Variants in WWP1 observed in about 807,000 individuals in gnomAD.
WWP1 encodes NEDD4-like E3 ubiquitin-protein ligase WWP1.
Under a neutral mutation model 130.6 loss-of-function variants are expected in WWP1, and 49 were observed. That is an observed-to-expected ratio of 0.38 (90% CI 0.30 to 0.48). WWP1 has a LOEUF of 0.48. Among genes scored for constraint, WWP1 ranks in the 20% least tolerant of loss-of-function variants. WWP1 has a pLI of 0.99. For missense variants in WWP1, 809 were observed against 1,100.6 expected (o/e 0.74, Z 3.75); for synonymous variants, 332 against 367.8 (o/e 0.90, Z 1.11).
At chr8:86,343,635 G>C (rs1822376694) in intron 1 of WWP1, among the ~76,000 whole-genome samples, 1 of 151,832 alleles carries the variant, frequency 6.6e-6, no homozygotes, top group African/African-American at 2.4e-5. Context: ...TCCTTTCTTT[G>C]CTCTGCCGAT....
intron 3 of WWP1, among the ~76,000 whole-genome samples, 157 bp downstream of exon 3, chr8:86,374,277 A>G (rs1267285159): frequency 2.6e-5 from 4 of 152,202 alleles, no homozygotes; most frequent in Admixed American, 6.5e-5. Flanking sequence ...CTCCAAAACT[A>G]TATTATTTAT....
chr8:86,414,879 T>G (rs899570099), intron 9 of WWP1, among the ~76,000 whole-genome samples: 1 of 85,436 alleles, frequency 1.2e-5, no homozygotes, highest in Admixed American at 1.0e-4. Flanking sequence ...ACATTCTGAA[T>G]CCCCCCCCCA....
intron 13 of WWP1, 38 bp downstream of exon 13, chr8:86,431,528 A>G (rs749259215): frequency 1.2e-6 from 2 of 1,611,212 alleles, no homozygotes; most frequent in Non-Finnish European, 8.5e-7. Flanking sequence ...TCTTGCATAT[A>G]TCAGTAGGTA....
intron 5 of WWP1, among the ~76,000 whole-genome samples, chr8:86,390,686 A>G (rs139568613): frequency 0.045 from 6,737 of 148,094 alleles, 501 homozygotes; most frequent in African/African-American, 0.16. Flanking sequence ...AGACCGTGGA[A>G]AGTGGGAGAC....
chr8:86,431,531 A>G (rs144382154), intron 13 of WWP1, 41 bp downstream of exon 13: 16 of 1,610,786 alleles, frequency 9.9e-6, no homozygotes, highest in South Asian at 6.6e-5. Flanking sequence ...TGCATATATC[A>G]GTAGGTAGAA....
chr8:86,380,116 A>T (rs1824897529), intron 3 of WWP1, among the ~76,000 whole-genome samples: 1 of 152,200 alleles, frequency 6.6e-6, no homozygotes, highest in African/African-American at 2.4e-5. Flanking sequence ...TCATATATTT[A>T]TCAGTTAATA....
chr8:86,441,881 A>G (rs1810610793), intron 17 of WWP1, among the ~76,000 whole-genome samples: 2 of 152,230 alleles, frequency 1.3e-5, no homozygotes, highest in Non-Finnish European at 2.9e-5. Context: ...AGAAATTGCT[A>G]TTGAAAAGAA....
chr8:86,457,614 C>T (rs942078392), intron 21 of WWP1, among the ~76,000 whole-genome samples: 2 of 151,922 alleles, frequency 1.3e-5, no homozygotes, highest in Admixed American at 1.3e-4. Flanking sequence ...AATACACACA[C>T]ACACCATACC....
At chr8:86,386,961 T>C (rs1825320584) in intron 5 of WWP1, 2 of 152,186 alleles carry the variant, frequency 1.3e-5, no homozygotes, top group South Asian at 4.1e-4. Flanking sequence ...TGTCCTCACA[T>C]GGCAAAAGGG....
intron 5 of WWP1, among the ~76,000 whole-genome samples, chr8:86,383,569 C>G (rs1825109183): frequency 6.6e-6 from 1 of 152,042 alleles, no homozygotes; most frequent in African/African-American, 2.4e-5. Flanking sequence ...TGGTGAGACC[C>G]TGTGTCTACC....
chr8:86,431,822 T>A (rs1197214174), intron 14 of WWP1, 79 bp downstream of exon 14: 1 of 1,570,022 alleles, frequency 6.4e-7, no homozygotes, highest in Admixed American at 1.9e-5. Flanking sequence ...ATCCTCAAGT[T>A]TAGCAAAACA....
At chr8:86,454,557 C>T (rs925388130) in intron 21 of WWP1, among the ~76,000 whole-genome samples, 2 of 152,026 alleles carry the variant, frequency 1.3e-5, no homozygotes, top group South Asian at 2.1e-4. Context: ...TAAAAACCAT[C>T]GACTTCATTT....
chr8:86,431,094 TTA>T (rs961413373), intron 12 of WWP1, among the ~76,000 whole-genome samples: 15 of 136,824 alleles, frequency 1.1e-4, no homozygotes, highest in Admixed American at 4.6e-4. Context: ...TATATATGTA[TTA>T]TATATATAAT....
chr8:86,369,323 A>G (rs367656719), intron 2 of WWP1, among the ~76,000 whole-genome samples: 26 of 152,258 alleles, frequency 1.7e-4, no homozygotes, highest in African/African-American at 6.0e-4. Flanking sequence ...GAAATTGATA[A>G]TTTTATTTGC....
intron 1 of WWP1, among the ~76,000 whole-genome samples, chr8:86,349,289 G>A (rs1822779199): frequency 6.6e-6 from 1 of 152,202 alleles, no homozygotes; most frequent in Admixed American, 6.5e-5. Context: ...AGAGTGCTGG[G>A]ATTACAGGCG....
At chr8:86,356,630 A>G (rs551424861) in intron 1 of WWP1, among the ~76,000 whole-genome samples, 118 of 152,130 alleles carry the variant, frequency 7.8e-4, no homozygotes, top group African/African-American at 2.8e-3. Flanking sequence ...AGAAAGCCCT[A>G]TGTTTTTGTC....
intron 14 of WWP1, among the ~76,000 whole-genome samples, chr8:86,433,491 A>C (rs1810109876): frequency 6.6e-6 from 1 of 151,594 alleles, no homozygotes; most frequent in African/African-American, 2.4e-5. Flanking sequence ...AGGCGGGTAG[A>C]TCACTTGAGC....
At chr8:86,397,492 A>T (rs565303622) in intron 5 of WWP1, among the ~76,000 whole-genome samples, 10 of 152,310 alleles carry the variant, frequency 6.6e-5, no homozygotes, top group Non-Finnish European at 1.2e-4. Context: ...TTTGAAATGT[A>T]CAACACATTA....
At chr8:86,368,041 GGTT>G (rs1824069365) in intron 1 of WWP1, among the ~76,000 whole-genome samples, 1 of 152,072 alleles carries the variant, frequency 6.6e-6, no homozygotes, top group African/African-American at 2.4e-5. Context: ...TATTACACCT[GGTT>G]GTTAGCAATT....
Sources: gnomAD v4.1 joint callset for allele counts (sites outside exome capture counted in the v4.1 genomes callset) on GRCh38, gnomAD v4.1.1 for gene constraint, MANE v1.5 for transcripts, NCBI Gene and HGNC (gene_info 2026-07-23, HGNC 2026-07-21) for gene names.